The following LRIG1 variants were observed in gnomAD, a reference collection of about 807,000 sequenced individuals.
The protein encoded by LRIG1 is leucine rich repeats and immunoglobulin like domains 1, also known as leucine-rich repeats and immunoglobulin-like domains protein 1.
A neutral mutation model predicts 99.2 loss-of-function variants in LRIG1; 48 were observed. The ratio of observed to expected loss-of-function variants is 0.48; its 90% CI spans 0.38 to 0.62. The LOEUF is 0.62. LRIG1 is among the 20% of genes least tolerant of loss of function. LRIG1 has a pLI of 0.00. For missense variants in LRIG1, 1,646 were observed against 1,434.4 expected, an observed-to-expected ratio of 1.15 and a Z score of -2.38; for synonymous variants, 772 against 596.1, an observed-to-expected ratio of 1.29 and a Z score of -4.30.
rs767960551 is a variant in LRIG1 at position 66,417,262 on chromosome 3, G to A, written c.370C>T (p.His124Tyr). Residue 124 changes from histidine (H) to tyrosine (Y), a missense_variant, in exon 4 of 19, where the codon CAC becomes TAC. Physicochemically the swap from His to Tyr is moderately conservative, Grantham distance 83. Transcript: ENST00000273261. ...SSHVVSLFLQ[H>Y]NKIRSVEGSQ... ...CCCTCCACGCTGCGAATCTTGTTGT[G>A]CTGCCTGAAACACAACAAGGGAGGT... 5.0e-6 allele frequency: 8 copies of A among 1,613,582 alleles called. No homozygotes were observed. The Admixed American group carries it at 1.2e-4, about 24-fold the overall frequency.
intron 1 of LRIG1, among the ~76,000 whole-genome samples, chr3:66,498,564 TAA>T (rs1050819942): frequency 0.041 from 5,121 of 124,612 alleles, 305 homozygotes; most frequent in African/African-American, 0.13. Context: ...TGATTCTATT[TAA>T]AAAAAAAAAA....
rs765723179 is a variant in LRIG1, at chr3:66,386,120, C to T, written c.1650G>A (p.Ala550=). The T allele has an allele frequency of 8.1e-5, 130 of 1,613,976 alleles. No individual in the cohort carries two copies. The South Asian group carries it at 8.5e-4, about 10-fold the overall frequency. ...ADMENFVHVH[A]QDGEVMEYTT... ...TGTACTCCATCACTTCCCCGTCCTGCGCGTGGACGTGGACAAAGTTCTCCA... is the reference window on the plus strand; with the variant it reads ...TGTACTCCATCACTTCCCCGTCCTGTGCGTGGACGTGGACAAAGTTCTCCA... The change falls in exon 13 of 19, where the codon GCG becomes GCA. Residue 550 remains alanine (A), a synonymous_variant. Transcript: ENST00000273261.
intron 1 of LRIG1, among the ~76,000 whole-genome samples, chr3:66,484,832 T>G (rs1180277126): frequency 6.6e-6 from 1 of 151,786 alleles, no homozygotes; most frequent in Non-Finnish European, 1.5e-5. Flanking sequence ...CAAAGTGAAA[T>G]AGTAATGACA....
chr3:66,386,141 C>T lies in LRIG1; in HGVS notation c.1629G>A (p.Glu543=), dbSNP rs756241080. 5.6e-6 allele frequency: 9 copies of T among 1,614,038 alleles called. No homozygotes were observed. The highest frequency in any genetic ancestry group is 7.6e-6 in the Non-Finnish European group (9 of 1,180,038). ...CCTGCGCGTGGACGTGGACAAAGTT[C>T]TCCATGTCTGCATTGGTCAGGACTT... ...DNEVLTNADM[E]NFVHVHAQDG... The change falls in exon 13 of 19, where the codon GAG becomes GAA. Residue 543 remains glutamate, a synonymous_variant. Transcript: ENST00000273261.
At chr3:66,389,073 C>T (rs1000824445) in intron 12 of LRIG1, among the ~76,000 whole-genome samples, 2 of 151,896 alleles carry the variant, frequency 1.3e-5, no homozygotes, top group African/African-American at 2.4e-5. Flanking sequence ...GTAATGTGTA[C>T]GACAACAGTA....
At chr3:66,434,463 A>G (rs551466126) in intron 3 of LRIG1, among the ~76,000 whole-genome samples, 6 of 152,212 alleles carry the variant, frequency 3.9e-5, no homozygotes, top group Admixed American at 6.5e-5. Context: ...ATACAACACC[A>G]CGGTCAGGCG....
chr3:66,399,097 G>A, intron 9 of LRIG1, 56 bp from the exon 10 acceptor site: 1 of 1,380,828 alleles, frequency 7.2e-7, no homozygotes, highest in Admixed American at 1.7e-5. Context: ...GAAACAGGAA[G>A]GGTTGAGAGA....
intron 3 of LRIG1, among the ~76,000 whole-genome samples, chr3:66,436,109 G>T (rs1575689684): frequency 1.3e-5 from 2 of 152,320 alleles, no homozygotes; most frequent in East Asian, 3.9e-4. Flanking sequence ...TAGAGACAAG[G>T]GTGTTGCTGA....
chr3:66,424,001 C>A (rs1702898586), intron 3 of LRIG1, among the ~76,000 whole-genome samples: 1 of 152,174 alleles, frequency 6.6e-6, no homozygotes, highest in Admixed American at 6.5e-5. Flanking sequence ...GTCTACTCTT[C>A]TGACATATTT....
At chr3:66,488,212 T>C (rs1282673904) in intron 1 of LRIG1, among the ~76,000 whole-genome samples, 8 of 152,068 alleles carry the variant, frequency 5.3e-5, no homozygotes, top group Admixed American at 2.6e-4. Flanking sequence ...GTCCAATTAC[T>C]GTCATAATTT....
At chr3:66,401,991 C>T (rs1702075617) in intron 9 of LRIG1, among the ~76,000 whole-genome samples, 1 of 152,142 alleles carries the variant, frequency 6.6e-6, no homozygotes, top group African/African-American at 2.4e-5. Flanking sequence ...CGCTTCCCAC[C>T]CACACACACA....
intron 14 of LRIG1, among the ~76,000 whole-genome samples, chr3:66,383,646 G>T (rs917486085): frequency 1.3e-5 from 2 of 152,084 alleles, no homozygotes; most frequent in Non-Finnish European, 2.9e-5. Context: ...TAACTGTCCT[G>T]TGTCAGGCCT....
chr3:66,451,546 C>A lies in LRIG1; in HGVS notation c.365+13G>T. 6.2e-7 allele frequency: 1 copy of A among 1,613,648 alleles called. No homozygotes were observed. The highest frequency in any genetic ancestry group is 1.1e-5 in the South Asian group (1 of 91,054). ...ACCACACAGCCCAGAGTCCCCCAAACGGCACCACTTACAGAAAGAGAGAGA... is the reference window on the plus strand; with the variant it reads ...ACCACACAGCCCAGAGTCCCCCAAAAGGCACCACTTACAGAAAGAGAGAGA... On this transcript the variant is annotated intron_variant, in intron 3 of 18. Transcript: ENST00000273261.
intron 11 of LRIG1, among the ~76,000 whole-genome samples, chr3:66,395,083 A>C (rs1410441791): frequency 6.6e-6 from 1 of 152,188 alleles, no homozygotes; most frequent in Admixed American, 6.5e-5. Context: ...AAGTCAACCA[A>C]GAGTCTAGCT....
At chr3:66,461,893 G>A (rs1217113427) in intron 2 of LRIG1, among the ~76,000 whole-genome samples, 1 of 152,168 alleles carries the variant, frequency 6.6e-6, no homozygotes, top group Non-Finnish European at 1.5e-5. Flanking sequence ...AGAGGAACAG[G>A]TAAGCCTCTA....
chr3:66,401,236 A>T (rs1702040263), intron 9 of LRIG1, among the ~76,000 whole-genome samples: 1 of 152,212 alleles, frequency 6.6e-6, no homozygotes, highest in African/African-American at 2.4e-5. Flanking sequence ...CACACAGAAA[A>T]GCTGATGGCC....
chr3:66,499,169 A>G (rs907011993), intron 1 of LRIG1, among the ~76,000 whole-genome samples: 3 of 150,188 alleles, frequency 2.0e-5, no homozygotes, highest in Non-Finnish European at 3.0e-5. Context: ...GATTTGTTAG[A>G]AGTAAAAGAA....
At position 66,384,101 on chromosome 3, in the gene LRIG1, T is replaced by C. The variant is rs773615928; in HGVS notation, c.1961A>G (p.Asp654Gly). The C allele has an allele frequency of 1.2e-6, 2 of 1,614,066 alleles. No individual in the cohort carries two copies. The highest frequency in any genetic ancestry group is 1.7e-6 in the Non-Finnish European group (2 of 1,180,050). Residue 654 changes from aspartate (D) to glycine (G), a missense_variant, in exon 14 of 19, where the codon GAC becomes GGC. By Grantham distance (94) the Asp-to-Gly change is moderately conservative. Transcript: ENST00000273261. ...CACATCAGTGATGAAAAACACGTCG[T>C]CATCCGGCATGACATGCATGCGTCG... ...RERRMHVMPD[D>G]DVFFITDVKI...
intron 3 of LRIG1, among the ~76,000 whole-genome samples, chr3:66,442,226 T>C (rs1233215085): frequency 6.6e-6 from 1 of 152,180 alleles, no homozygotes; most frequent in African/African-American, 2.4e-5. Flanking sequence ...ACAGGCCTTA[T>C]GAAGGAAAGG....
Sources: allele counts gnomAD v4.1 joint callset (sites outside exome capture counted in the v4.1 genomes callset), GRCh38; gene constraint gnomAD v4.1.1; transcripts MANE v1.5; gene names NCBI Gene and HGNC (gene_info 2026-07-23, HGNC 2026-07-21).